The following FANCC variants were observed in gnomAD, a reference collection of about 807,000 sequenced individuals.
FANCC encodes Fanconi anemia group C protein.
Under a neutral mutation model 71.3 loss-of-function variants are expected in FANCC, and 55 were observed. The observed-to-expected ratio is 0.77, with a 90% CI of 0.62 to 0.97. The LOEUF is 0.97. Among genes scored for constraint, FANCC ranks in the 50% least tolerant of loss-of-function variants. The pLI, the probability that FANCC is intolerant of heterozygous loss-of-function variation, is 0.00. For synonymous variants in FANCC, 275 were observed against 244.9 expected (o/e 1.12, Z -1.15); for missense variants, 678 against 670.9 (o/e 1.01, Z -0.12).
intron 6 of FANCC, among the ~76,000 whole-genome samples, chr9:95,158,836 G>T (rs1830586422): frequency 6.6e-6 from 1 of 152,166 alleles, no homozygotes; most frequent in Admixed American, 6.5e-5. Flanking sequence ...AGTAGCTCTG[G>T]TGTAGAACTG....
At chr9:95,181,003 T>C (rs184799975) in intron 4 of FANCC, among the ~76,000 whole-genome samples, 13 of 152,184 alleles carry the variant, frequency 8.5e-5, no homozygotes, top group Admixed American at 4.6e-4. Context: ...CGAGCTGACT[T>C]TAACATATAA....
intron 10 of FANCC, among the ~76,000 whole-genome samples, chr9:95,124,338 G>C (rs982086799): frequency 2.0e-5 from 3 of 152,136 alleles, no homozygotes; most frequent in Non-Finnish European, 4.4e-5. Flanking sequence ...GTGGCCGTTA[G>C]AAATCAAGGC....
At chr9:95,274,416 G>A (rs1832922203) in intron 1 of FANCC, among the ~76,000 whole-genome samples, 1 of 152,116 alleles carries the variant, frequency 6.6e-6, no homozygotes, top group Non-Finnish European at 1.5e-5. Flanking sequence ...TCTTTATCCA[G>A]TCTATCATTG....
intron 6 of FANCC, among the ~76,000 whole-genome samples, chr9:95,154,183 T>C (rs929882708): frequency 1.4e-5 from 2 of 143,920 alleles, no homozygotes; most frequent in Non-Finnish European, 1.5e-5. Context: ...GAGGTGGAGA[T>C]TGCAGTGAGC....
intron 3 of FANCC, among the ~76,000 whole-genome samples, chr9:95,243,616 C>T (rs1395995832): frequency 1.3e-5 from 2 of 150,306 alleles, no homozygotes; most frequent in African/African-American, 5.0e-5. Flanking sequence ...AACCCCATCT[C>T]TACTAAAAAT....
At chr9:95,137,910 G>A (rs1428386847) in intron 7 of FANCC, among the ~76,000 whole-genome samples, 1 of 152,260 alleles carries the variant, frequency 6.6e-6, no homozygotes, top group Non-Finnish European at 1.5e-5. Context: ...AGAGAGGAGA[G>A]GAGTGGAGGT....
At chr9:95,224,624 C>G (rs555853528) in intron 4 of FANCC, among the ~76,000 whole-genome samples, 1 of 152,154 alleles carries the variant, frequency 6.6e-6, no homozygotes, top group African/African-American at 2.4e-5. Flanking sequence ...TCCCCTATCA[C>G]CCCCGCTCCC....
Position 95,173,236 on chromosome 9 carries a change from G to A in FANCC, c.346-1089C>T, listed in dbSNP as rs1245615743. On this transcript the variant is annotated intron_variant, in intron 4 of 14. Transcript: ENST00000289081. ...GTGAGCTCCTGGAGGAATAGAAATA[G>A]GGTCTTCCATACAGAGTGCAGTTGT... Among the ~76,000 whole-genome samples the A allele has an allele frequency of 3.3e-5, 5 of 152,206 alleles. No individual in the cohort carries two copies. In the South Asian group the frequency reaches 1.0e-3, roughly 32 times the overall value.
chr9:95,136,861 C>T (rs1827776435), intron 7 of FANCC, among the ~76,000 whole-genome samples: 1 of 152,184 alleles, frequency 6.6e-6, no homozygotes, highest in South Asian at 2.1e-4. Flanking sequence ...TGAATTGGGG[C>T]TCCACTTCCC....
At chr9:95,138,631 T>A (rs916400801) in intron 7 of FANCC, among the ~76,000 whole-genome samples, 1 of 152,182 alleles carries the variant, frequency 6.6e-6, no homozygotes, top group Non-Finnish European at 1.5e-5. Context: ...TGGAAAGGCG[T>A]TTCACTGCAG....
chr9:95,173,710 G>A (rs1825836177), intron 4 of FANCC, among the ~76,000 whole-genome samples: 1 of 152,092 alleles, frequency 6.6e-6, no homozygotes, highest in African/African-American at 2.4e-5. Context: ...GAGCCCAGGA[G>A]TTCGAGACTA....
rs114481263 is a variant in FANCC at position 95,148,982 on chromosome 9, G to A, written c.686+941C>T. Among the ~76,000 whole-genome samples, 579 of 152,104 alleles carry A rather than the reference G, an allele frequency of 3.8e-3. 5 individuals are homozygous for A. Among genetic ancestry groups the A allele is most frequent in the African/African-American group, 0.012 (518 of 41,500 alleles). ...TCATACACTTCAACCAAAACAACAC[G>A]TCCCACCAGAAGCAGATATGAGAAT... On this transcript the variant is annotated intron_variant, in intron 7 of 14. Transcript: ENST00000289081.
intron 13 of FANCC, 51 bp from the exon 14 acceptor site, chr9:95,107,320 A>T (rs755932146): frequency 2.6e-5 from 41 of 1,565,364 alleles, no homozygotes; most frequent in Non-Finnish European, 3.4e-5. Context: ...CAGGACAGAC[A>T]TACTTCTAGG....
intron 4 of FANCC, among the ~76,000 whole-genome samples, chr9:95,205,157 T>C (rs1828042319): frequency 6.6e-6 from 1 of 152,218 alleles, no homozygotes; most frequent in Non-Finnish European, 1.5e-5. Context: ...AAATGTATAA[T>C]CACACCACTT....
intron 1 of FANCC, chr9:95,316,887 G>A (rs954251072): frequency 6.6e-6 from 1 of 152,238 alleles, no homozygotes; most frequent in Non-Finnish European, 1.5e-5. Flanking sequence ...AAAAAGAATG[G>A]AGGGAAGACA....
chr9:95,214,064 A>C (rs1828690162), intron 4 of FANCC, among the ~76,000 whole-genome samples: 1 of 152,240 alleles, frequency 6.6e-6, no homozygotes, highest in Non-Finnish European at 1.5e-5. Flanking sequence ...ATTAATCATT[A>C]GAAAAATGCA....
intron 1 of FANCC, among the ~76,000 whole-genome samples, chr9:95,311,156 C>G (rs896739286): frequency 1.5e-4 from 22 of 150,990 alleles, no homozygotes; most frequent in Middle Eastern, 3.4e-3. Context: ...ATGGTGTGAA[C>G]CCGGGAGGCA....
chr9:95,241,762 C>A (rs1370276344), intron 3 of FANCC, among the ~76,000 whole-genome samples: 8 of 152,272 alleles, frequency 5.3e-5, no homozygotes, highest in Admixed American at 5.2e-4. Context: ...CGGGCTCCAG[C>A]GATTCTCCCA....
chr9:95,149,890 G>A lies in FANCC; in HGVS notation c.686+33C>T, dbSNP rs75702013. 318 of 1,568,796 alleles carry A rather than the reference G, an allele frequency of 2.0e-4. No homozygotes were observed. In the African/African-American group the frequency reaches 3.7e-3, roughly 18 times the overall value. On this transcript the variant is annotated intron_variant, in intron 7 of 14. Coordinates refer to ENST00000289081, the MANE Select transcript of FANCC (RefSeq NM_000136.3). ...ACAGCCTTCTAAGAAAAGGAAAAAC[G>A]ACGCAGGATGACAGGAAACATTTGC... is the stretch of plus-strand genomic sequence containing the variant.
Sources: gnomAD v4.1 joint callset for allele counts (sites outside exome capture counted in the v4.1 genomes callset) on GRCh38, gnomAD v4.1.1 for gene constraint, MANE v1.5 for transcripts, NCBI Gene and HGNC (gene_info 2026-07-23, HGNC 2026-07-21) for gene names.